NADK2: variants seen among roughly 807,000 people sequenced by gnomAD.
NADK2 encodes the protein NAD kinase 2, mitochondrial.
In NADK2, 35 loss-of-function variants were observed where a neutral mutation model predicts 62.1. The observed-to-expected ratio is 0.56, with a 90% confidence interval of 0.43 to 0.75. The LOEUF (loss-of-function observed/expected upper bound fraction) is 0.75, where lower values mean the gene tolerates loss of function less well. Ranked by LOEUF, NADK2 falls within the 30% of genes least tolerant of loss-of-function variation. The pLI is 0.00. For synonymous variants in NADK2, 205 were observed against 207.9 expected (o/e 0.99, Z 0.12); for missense variants, 439 against 561.3 (o/e 0.78, Z 2.20).
chr5:36,241,697 C>T lies in NADK2; in HGVS notation c.102G>A (p.Arg34=), dbSNP rs943197159. 2 of 1,135,300 alleles carry T rather than the reference C, an allele frequency of 1.8e-6. No individual in the cohort carries two copies. The highest frequency in any genetic ancestry group is 2.2e-6 in the Non-Finnish European group (2 of 929,872). 70.3% of individuals were successfully genotyped at this position (1,135,300 alleles called of 1,614,324 possible). ...CGCCACCGTCACCGCCCAGCCGGGG[C>T]CGCGCGGCGGGGCCTCCCGCACCCG... ...RGPGAGGPAA[R]PRLGGDGGGR... is the part of the protein sequence containing the mutation. Residue 34 remains arginine, a synonymous_variant, in exon 1 of 12, where the codon CGG becomes CGA. Coordinates refer to ENST00000381937, the MANE Select transcript of NADK2 (RefSeq NM_001085411.3). This position sits in a 1 kb window ranked among gnomAD's most constrained non-coding sequence, Gnocchi z 4.9.
In NADK2 at chr5:36,201,234, C is replaced by T. The variant is rs7705396; in HGVS notation, c.957-73G>A. The T allele has an allele frequency of 0.95, 1,236,384 of 1,303,100 alleles. 593,500 individuals are homozygous for T. Among genetic ancestry groups the T allele is most frequent in the Non-Finnish European group, 0.99 (906,308 of 919,294 alleles). The allele number at this position is 1,303,100 out of a possible 1,614,324, so 80.7% of individuals were successfully genotyped here. A position where few individuals can be genotyped will look rare whatever the true frequency, so the allele number is the denominator to read the frequency against. On this transcript the variant is annotated intron_variant, in intron 8 of 11. Transcript: ENST00000381937. ...CTAAAAATCAAAAAGGAATAACCTA[C>T]TTAAAATATAGAAAATTCTTAGAAA...
chr5:36,213,962 A>C (rs1367609820), intron 6 of NADK2, among the ~76,000 whole-genome samples: 1 of 151,870 alleles, frequency 6.6e-6, no homozygotes, highest in African/African-American at 2.4e-5. Context: ...ATCCTAATTT[A>C]TCTCTCCATA....
Position 36,211,876 on chromosome 5 carries a change from A to G in NADK2, c.828T>C (p.Asn276=), listed in dbSNP as rs1383540571. 4 of 1,613,664 alleles carry G rather than the reference A, an allele frequency of 2.5e-6. No individual in the cohort carries two copies. In the South Asian group the frequency reaches 4.4e-5, roughly 18 times the overall value. ...ACAGACTCTCCCCAATGAAGACTTC[A>G]TTTAGTGCTCTCACTGGCAGAAGTT... ...GPQLLPVRAL[N]EVFIGESLSS... The change falls in exon 7 of 12, where the codon AAT becomes AAC. Residue 276 remains asparagine, a synonymous_variant. Transcript: ENST00000381937.
rs1287639476 is a variant in NADK2, at chr5:36,241,889, C to T, written c.-91G>A. 3 of 1,009,772 alleles carry T rather than the reference C, an allele frequency of 3.0e-6. No homozygotes were observed. The highest frequency in any genetic ancestry group is 3.5e-5 in the African/African-American group (2 of 57,648). 62.6% of individuals were successfully genotyped at this position (1,009,772 alleles called of 1,614,324 possible). ...GTGCGCGCCGTCCGCGCCGCCCGGG[C>T]CTCTAACTTCGCGCCGGACGGGCAG... is the stretch of plus-strand genomic sequence containing the variant. On this transcript the variant is annotated 5_prime_UTR_variant, in exon 1 of 12. Transcript: ENST00000381937. This position sits in a 1 kb window ranked among gnomAD's most constrained non-coding sequence, Gnocchi z 4.9.
chr5:36,213,369 T>C (rs979605737), intron 6 of NADK2, among the ~76,000 whole-genome samples: 1 of 152,130 alleles, frequency 6.6e-6, no homozygotes, highest in Non-Finnish European at 1.5e-5. Context: ...CATTGATCTA[T>C]TCTTCTCCTT....
intron 1 of NADK2, among the ~76,000 whole-genome samples, chr5:36,230,434 T>A (rs989023563): frequency 8.5e-5 from 13 of 152,208 alleles, no homozygotes; most frequent in African/African-American, 3.1e-4. Flanking sequence ...AATTCCCTTT[T>A]TTGCATTTAC....
At chr5:36,237,765 G>T (rs892555802) in intron 1 of NADK2, among the ~76,000 whole-genome samples, 1 of 152,222 alleles carries the variant, frequency 6.6e-6, no homozygotes, top group African/African-American at 2.4e-5. Flanking sequence ...GTGTTTCTCA[G>T]TTTAACTGGG....
Position 36,205,438 on chromosome 5 carries a change from G to A in NADK2, c.956+1732C>T, listed in dbSNP as rs1487605337. ...AAAGCCAAGCGAGAACAAAAAGTGT[G>A]CTGAGAATTGCAAGTAGCTGTGCCA... On this transcript the variant is annotated intron_variant, in intron 8 of 11. Transcript: ENST00000381937. This position sits in a 1 kb window ranked among gnomAD's most constrained non-coding sequence, Gnocchi z 4.1. Among the ~76,000 whole-genome samples, 1 of 152,060 alleles carries A rather than the reference G, an allele frequency of 6.6e-6. No homozygotes were observed. Among genetic ancestry groups the A allele is most frequent in the Non-Finnish European group, 1.5e-5 (1 of 67,996 alleles).
rs943817727 is a variant in NADK2 at position 36,193,108 on chromosome 5, T to C, written c.*2036A>G. On this transcript the variant is annotated 3_prime_UTR_variant, in exon 12 of 12. Transcript: ENST00000381937. The stretch of plus-strand genomic sequence containing the variant: ...TTACACAGCAAGTTACCTATTAATA[T>C]GTTACATATTAACAGATCTATTTGG... 1.3e-5 allele frequency: 2 copies of C among 151,884 alleles called. No homozygotes were observed. Among genetic ancestry groups the C allele is most frequent in the African/African-American group, 4.8e-5 (2 of 41,440 alleles). The allele number at this position is 151,884 out of a possible 1,614,324, so 9.4% of individuals were successfully genotyped here. A position where few individuals can be genotyped will look rare whatever the true frequency, so the allele number is the denominator to read the frequency against.
intron 4 of NADK2, among the ~76,000 whole-genome samples, chr5:36,220,705 T>C (rs563411801): frequency 3.9e-5 from 6 of 152,350 alleles, no homozygotes; most frequent in Admixed American, 6.5e-5. Flanking sequence ...TGAGGTCAAC[T>C]GCAAGTCTAA....
At position 36,207,200 on chromosome 5, in the gene NADK2, T is replaced by C. The variant is rs774443802; in HGVS notation, c.926A>G (p.Asn309Ser). Residue 309 changes from asparagine (N) to serine (S), a missense_variant, in exon 8 of 12, where the codon AAT becomes AGT. Physicochemically the swap from Asn to Ser is conservative, Grantham distance 46 (BLOSUM62 1). Transcript: ENST00000381937. ...CTTTGATCCTGTTCCAGTACACAAA[T>C]TGAGCCCTGAACTCTTCTGTTTTTC... ...PWEKQKSSGL[N>S]LCTGTGSKAW... 6.2e-7 allele frequency: 1 copy of C among 1,613,244 alleles called. No homozygotes were observed. The highest frequency in any genetic ancestry group is 8.5e-7 in the Non-Finnish European group (1 of 1,179,464).
At chr5:36,221,064 T>A (rs1481677057) in intron 4 of NADK2, 1 of 152,200 alleles carries the variant, frequency 6.6e-6, no homozygotes, top group East Asian at 1.9e-4. Flanking sequence ...TGATTGAATA[T>A]TGGGGGGCAG....
At chr5:36,210,330 G>C (rs1379303789) in intron 7 of NADK2, among the ~76,000 whole-genome samples, 2 of 152,114 alleles carry the variant, frequency 1.3e-5, no homozygotes, top group Non-Finnish European at 2.9e-5. Context: ...GATAATGTAA[G>C]CCTAAGTTAT....
intron 4 of NADK2, chr5:36,220,953 C>T (rs1352731393): frequency 6.6e-6 from 1 of 152,280 alleles, no homozygotes; most frequent in Non-Finnish European, 1.5e-5. Flanking sequence ...CCACAATGAA[C>T]AATCCTAAAG....
intron 1 of NADK2, among the ~76,000 whole-genome samples, chr5:36,230,149 T>C (rs1449147881): frequency 6.6e-6 from 1 of 152,096 alleles, no homozygotes; most frequent in Non-Finnish European, 1.5e-5. Flanking sequence ...CTTCTACAAA[T>C]GGCACTTTCT....
intron 4 of NADK2, among the ~76,000 whole-genome samples, chr5:36,224,139 G>A (rs908051163): frequency 5.3e-5 from 8 of 152,064 alleles, no homozygotes; most frequent in Non-Finnish European, 8.8e-5. Flanking sequence ...AAGTTTGTGT[G>A]CAACTCTAAG....
chr5:36,239,595 TTTTAAGACTTATTGA>T (rs1748034201), intron 1 of NADK2, among the ~76,000 whole-genome samples: 1 of 152,192 alleles, frequency 6.6e-6, no homozygotes, highest in South Asian at 2.1e-4. Context: ...TAGTTTGACT[TTTTAAGACTTATTGA>T]TTTTCCCTAC....
chr5:36,226,721 CA>C (rs1230293239), intron 2 of NADK2, among the ~76,000 whole-genome samples, 158 bp from the exon 3 acceptor site: 1 of 152,074 alleles, frequency 6.6e-6, no homozygotes, highest in Non-Finnish European at 1.5e-5. Flanking sequence ...TCTTTGTTTT[CA>C]TTTAATTACA....
intron 4 of NADK2, chr5:36,221,258 C>T (rs112108299): frequency 6.6e-6 from 1 of 152,110 alleles, no homozygotes; most frequent in Non-Finnish European, 1.5e-5. Context: ...TAGATGAGTC[C>T]ATGTGAGTGG....
Sources: allele counts gnomAD v4.1 joint callset (sites outside exome capture counted in the v4.1 genomes callset), GRCh38; gene constraint gnomAD v4.1.1; non-coding constraint Gnocchi (gnomAD v3.1); transcripts MANE v1.5; gene names NCBI Gene and HGNC (gene_info 2026-07-23, HGNC 2026-07-21).